DAB1: variants seen among roughly 807,000 people sequenced by gnomAD.
DAB1 encodes the protein DAB adaptor protein 1.
Under a neutral mutation model 64.6 loss-of-function variants are expected in DAB1, and 15 were observed. The ratio of observed to expected loss-of-function variants is 0.23; its 90% CI spans 0.16 to 0.36. The LOEUF is 0.36. Among genes scored for constraint, DAB1 ranks in the 10% least tolerant of loss-of-function variants. The pLI is 1.00. For synonymous variants in DAB1, 235 were observed against 251.9 expected (o/e 0.93, Z 0.64); for missense variants, 596 against 706.7 (o/e 0.84, Z 1.78).
intron 6 of DAB1, among the ~76,000 whole-genome samples, chr1:57,706,658 A>T (rs1277706899): frequency 1.3e-5 from 2 of 151,916 alleles, no homozygotes; most frequent in African/African-American, 4.8e-5. Flanking sequence ...TTTTTCTTTG[A>T]CCTTTACCCA....
intron 7 of DAB1, among the ~76,000 whole-genome samples, chr1:57,649,205 T>C (rs1027692726): frequency 1.3e-5 from 2 of 152,176 alleles, no homozygotes; most frequent in African/African-American, 4.8e-5. Flanking sequence ...TATATTAAAA[T>C]GGGCAGTGGG....
rs140482798 is a variant in DAB1, at chr1:57,507,009, C to T, written n.625+142583G>A. The stretch of plus-strand genomic sequence containing the variant: ...ATTAGTCTCCTCACCTCCAGTCCCT[C>T]TCATCTACAATCTGTCTTCCATCCT... On this transcript the variant is annotated intron_variant and non_coding_transcript_variant, in intron 7 of 20. Transcript: ENST00000485760. Among the ~76,000 whole-genome samples, 4 of 152,318 alleles carry T rather than the reference C, an allele frequency of 2.6e-5. No homozygotes were observed. The East Asian group carries it at 7.7e-4, about 29-fold the overall frequency.
intron 5 of DAB1, among the ~76,000 whole-genome samples, chr1:57,984,164 G>A (rs183944753): frequency 1.5e-5 from 2 of 136,340 alleles, no homozygotes; most frequent in African/African-American, 5.5e-5. Flanking sequence ...AGGATTTCAG[G>A]GCCCAGGACT....
At chr1:58,475,213 T>C (rs1217896123) in intron 3 of DAB1, among the ~76,000 whole-genome samples, 1 of 152,174 alleles carries the variant, frequency 6.6e-6, no homozygotes, top group African/African-American at 2.4e-5. Context: ...TGGAGTGCAG[T>C]GGCACGATCT....
chr1:57,626,945 G>A (rs1413629180), intron 7 of DAB1, among the ~76,000 whole-genome samples: 2 of 152,148 alleles, frequency 1.3e-5, no homozygotes, highest in African/African-American at 4.8e-5. Flanking sequence ...CATGTGTGAT[G>A]GTTAATTTCA....
At chr1:57,412,698 G>A (rs1011251560) in intron 1 of DAB1, among the ~76,000 whole-genome samples, 7 of 152,322 alleles carry the variant, frequency 4.6e-5, no homozygotes, top group African/African-American at 1.7e-4. Flanking sequence ...AAGGCTAAGA[G>A]AAGTGAGGAA....
At chr1:57,158,221 G>C (rs1660420974) in intron 2 of DAB1, among the ~76,000 whole-genome samples, 1 of 152,120 alleles carries the variant, frequency 6.6e-6, no homozygotes, top group Non-Finnish European at 1.5e-5. Context: ...TTCTCCCCAA[G>C]TAATATATTT....
intron 2 of DAB1, among the ~76,000 whole-genome samples, chr1:57,264,660 T>C (rs1352717783): frequency 2.0e-5 from 3 of 151,880 alleles, no homozygotes; most frequent in Non-Finnish European, 2.9e-5. Context: ...CCCCTGAACA[T>C]GACGCCTAAA....
At chr1:58,387,722 C>T (rs3082798) in intron 3 of DAB1, among the ~76,000 whole-genome samples, 5,596 of 65,172 alleles carry the variant, frequency 0.086, 264 homozygotes, top group African/African-American at 0.12. Context: ...CTTTTCTTTT[C>T]TTTTTTTTTT....
At chr1:57,900,230 T>C (rs1644453818) in intron 5 of DAB1, among the ~76,000 whole-genome samples, 1 of 152,146 alleles carries the variant, frequency 6.6e-6, no homozygotes, top group South Asian at 2.1e-4. Context: ...AGGGGAAAAT[T>C]GCAGGCACTG....
intron 14 of DAB1, among the ~76,000 whole-genome samples, chr1:57,009,753 G>T (rs952657645): frequency 2.6e-5 from 4 of 152,154 alleles, no homozygotes; most frequent in African/African-American, 9.7e-5. Flanking sequence ...ATCATGTCTG[G>T]GTAACAAGGT....
At position 57,488,034 on chromosome 1, in the gene DAB1, T is replaced by G. The variant is rs561730758; in HGVS notation, n.625+161558A>C. 2.0e-5 allele frequency among the ~76,000 whole-genome samples: 3 copies of G among 152,274 alleles called. No individual in the cohort carries two copies. In the East Asian group the frequency reaches 5.8e-4, roughly 29 times the overall value. ...TGAGTATATCTAGTTATCTCAATGA[T>G]TCTATGGGTCATGGGTATAATTAGG... On this transcript the variant is annotated intron_variant and non_coding_transcript_variant, in intron 7 of 20. Transcript: ENST00000485760.
chr1:57,784,642 T>C (rs1650257019), intron 6 of DAB1, among the ~76,000 whole-genome samples: 1 of 152,116 alleles, frequency 6.6e-6, no homozygotes, highest in Non-Finnish European at 1.5e-5. Context: ...AACTCTTCAA[T>C]TTCATGAAGG....
At chr1:57,903,859 G>A (rs1644511570) in intron 5 of DAB1, among the ~76,000 whole-genome samples, 2 of 152,124 alleles carry the variant, frequency 1.3e-5, no homozygotes, top group South Asian at 4.1e-4. Context: ...TTATCTTTAT[G>A]GTCTACTTAG....
rs1207274888 is a variant in DAB1, at chr1:57,026,750, C to T, written c.724-707G>A. Among the ~76,000 whole-genome samples, 6 of 152,138 alleles carry T rather than the reference C, an allele frequency of 3.9e-5. No individual in the cohort carries two copies. The East Asian group carries it at 1.2e-3, about 29-fold the overall frequency. The stretch of plus-strand genomic sequence containing the variant: ...ATACACCATTAATCACTCCTAGGAA[C>T]TCCATCACTGCAGACACTGCATCAT... On this transcript the variant is annotated intron_variant, in intron 9 of 14. Coordinates refer to ENST00000371236, the MANE Select transcript of DAB1 (RefSeq NM_001365792.1).
intron 1 of DAB1, among the ~76,000 whole-genome samples, chr1:57,415,356 C>T (rs192393): frequency 0.067 from 10,006 of 150,304 alleles, 1,138 homozygotes; most frequent in African/African-American, 0.23. Flanking sequence ...TTTTAGAAGA[C>T]AACAAAGGAG....
intron 7 of DAB1, among the ~76,000 whole-genome samples, chr1:57,567,510 T>G (rs1238722225): frequency 6.6e-6 from 1 of 152,198 alleles, no homozygotes. Flanking sequence ...GATGACATCA[T>G]TGTATATTTA....
chr1:57,593,048 C>T (rs904437451), intron 7 of DAB1, among the ~76,000 whole-genome samples: 4 of 152,190 alleles, frequency 2.6e-5, no homozygotes, highest in African/African-American at 4.8e-5. Flanking sequence ...AGTTCAGTGG[C>T]ATTAGGTACG....
chr1:57,723,491 C>T (rs1056085770), intron 6 of DAB1, among the ~76,000 whole-genome samples: 2 of 152,188 alleles, frequency 1.3e-5, no homozygotes, highest in Non-Finnish European at 2.9e-5. Context: ...TTATCCTTCA[C>T]GAAGACAACT....
Sources: gnomAD v4.1 joint callset for allele counts (sites outside exome capture counted in the v4.1 genomes callset) on GRCh38, gnomAD v4.1.1 for gene constraint, MANE v1.5 for transcripts, NCBI Gene and HGNC (gene_info 2026-07-23, HGNC 2026-07-21) for gene names.